The following ETV5 variants were observed in gnomAD, a reference collection of about 807,000 sequenced individuals.
The protein encoded by ETV5 is ETS translocation variant 5.
Under a neutral mutation model 70.0 loss-of-function variants are expected in ETV5, and 10 were observed. The observed-to-expected ratio is 0.14, with a 90% CI of 0.09 to 0.24. The LOEUF (loss-of-function observed/expected upper bound fraction) is 0.24, where lower values mean the gene tolerates loss of function less well. Among genes scored for constraint, ETV5 ranks in the 10% least tolerant of loss-of-function variants. The pLI, the probability that ETV5 is intolerant of heterozygous loss-of-function variation, is 1.00. For missense variants in ETV5, 453 were observed against 651.2 expected, an observed-to-expected ratio of 0.70 and a Z score of 3.31; for synonymous variants, 216 against 242.2, an observed-to-expected ratio of 0.89 and a Z score of 1.01.
intron 7 of ETV5, chr3:186,076,555 G>A (rs1444353032): frequency 5.5e-6 from 1 of 182,882 alleles, no homozygotes; most frequent in Non-Finnish European, 1.2e-5. Flanking sequence ...AGCCTCTCAA[G>A]TAACTGGGAC....
intron 5 of ETV5, among the ~76,000 whole-genome samples, chr3:186,096,745 A>T (rs889271653): frequency 1.3e-5 from 2 of 152,194 alleles, no homozygotes; most frequent in Non-Finnish European, 2.9e-5. Context: ...GCTCTGGATC[A>T]TTACTATTAA....
At chr3:186,056,336 C>G (rs1367805266) in intron 11 of ETV5, among the ~76,000 whole-genome samples, 2 of 152,086 alleles carry the variant, frequency 1.3e-5, no homozygotes, top group Admixed American at 1.3e-4. Flanking sequence ...TCAATCGATC[C>G]TCCCTGCCTC....
chr3:186,068,114 C>T (rs1046483951), intron 7 of ETV5, among the ~76,000 whole-genome samples: 1 of 152,286 alleles, frequency 6.6e-6, no homozygotes, highest in South Asian at 2.1e-4. Context: ...GTGCCAGGTA[C>T]CTGAACAGCA....
At chr3:186,080,664 T>G (rs1331458238) in intron 6 of ETV5, 1 of 231,152 alleles carries the variant, frequency 4.3e-6, no homozygotes, top group Admixed American at 5.6e-5. Context: ...CAAGACTTTT[T>G]CATATATTCT....
In ETV5 at chr3:186,057,207, C is replaced by G. The variant is rs761758478; in HGVS notation, c.1077G>C (p.Gly359=). The change falls in exon 11 of 13, where the codon GGG becomes GGC. Residue 359 remains glycine, a synonymous_variant. Coordinates refer to ENST00000306376, the MANE Select transcript of ETV5 (RefSeq NM_004454.3). This position sits in a 1 kb window ranked among gnomAD's most constrained non-coding sequence, Gnocchi z 4.9. The part of the protein sequence containing the change: ...VKQEPTMYRE[G]PPYQRRGSLQ... Reference sequence around the variant, plus strand: ...GGGAACCTCGCCTCTGGTAAGGGGGCCCCTCTCGATACATGGTAGGCTCCT... The same window carrying G: ...GGGAACCTCGCCTCTGGTAAGGGGGGCCCTCTCGATACATGGTAGGCTCCT... The G allele has an allele frequency of 6.2e-7, 1 of 1,614,162 alleles. No individual in the cohort carries two copies. Among genetic ancestry groups the G allele is most frequent in the East Asian group, 2.2e-5 (1 of 44,888 alleles).
intron 8 of ETV5, 100 bp from the exon 9 acceptor site, chr3:186,064,576 C>G (rs1560047277): frequency 8.5e-7 from 1 of 1,174,914 alleles, no homozygotes. Flanking sequence ...CCCTAAACTT[C>G]CTGCTCTGGG....
intron 5 of ETV5, among the ~76,000 whole-genome samples, chr3:186,087,426 G>A (rs969847384): frequency 3.9e-5 from 6 of 152,176 alleles, no homozygotes; most frequent in Admixed American, 1.3e-4. Context: ...TATACCGTTT[G>A]TAAGAATTCA....
At chr3:186,096,541 ACT>A (rs1486989261) in intron 5 of ETV5, among the ~76,000 whole-genome samples, 1 of 151,820 alleles carries the variant, frequency 6.6e-6, no homozygotes, top group Non-Finnish European at 1.5e-5. Context: ...GAGGTTTCAA[ACT>A]CTCTCACAAA....
At chr3:186,053,407 G>C (rs781637753) in intron 11 of ETV5, among the ~76,000 whole-genome samples, 11 of 152,112 alleles carry the variant, frequency 7.2e-5, no homozygotes, top group Admixed American at 7.2e-4. Flanking sequence ...CGGCCCCTTC[G>C]ATATTTTAAA....
intron 5 of ETV5, among the ~76,000 whole-genome samples, chr3:186,093,700 A>C (rs992023087): frequency 6.6e-6 from 1 of 152,214 alleles, no homozygotes; most frequent in African/African-American, 2.4e-5. Context: ...GGGCACTCCA[A>C]ACTCCGGGGG....
rs1714556069 is a variant in ETV5, at chr3:186,105,117, A to G, written c.232+188T>C. 1.9e-6 allele frequency: 1 copy of G among 530,252 alleles called. No homozygotes were observed. The highest frequency in any genetic ancestry group is 3.3e-6 in the Non-Finnish European group (1 of 304,380). The allele number at this position is 530,252 out of a possible 1,614,324, so 32.8% of individuals were successfully genotyped here. A position where few individuals can be genotyped will look rare whatever the true frequency, so the allele number is the denominator to read the frequency against. On this transcript the variant is annotated intron_variant, in intron 5 of 12. Coordinates refer to ENST00000306376, the MANE Select transcript of ETV5 (RefSeq NM_004454.3). The surrounding 1 kb of genome is among the most constrained non-coding windows in gnomAD (Gnocchi z 4.5). ...CAGTAAATCTTACCTGCAATACAGTAGAAATACTTTAGAAATAATTTTATT... is the reference window on the plus strand; with the variant it reads ...CAGTAAATCTTACCTGCAATACAGTGGAAATACTTTAGAAATAATTTTATT...
rs35154225 is a variant in ETV5 at position 186,102,636 on chromosome 3, CAAAA to C, written c.232+2665_232+2668del. Among the ~76,000 whole-genome samples the C allele has an allele frequency of 7.0e-3, 644 of 91,788 alleles. 4 individuals carry two copies. Among genetic ancestry groups the C allele is most frequent in the Middle Eastern group, 0.022 (4 of 184 alleles). The allele number at this position is 91,788 out of a possible 152,430, so 60.2% of individuals were successfully genotyped here. ...TGGGTGACGAGCAAAACTCTCTCTC[CAAAA>C]AAAAAAAAAAAAAAAAAGGTTTGCT... On this transcript the variant is annotated intron_variant, in intron 5 of 12. Transcript: ENST00000306376.
intron 5 of ETV5, among the ~76,000 whole-genome samples, chr3:186,104,681 C>T (rs1714544993): frequency 6.6e-6 from 1 of 151,898 alleles, no homozygotes; most frequent in African/African-American, 2.4e-5. Flanking sequence ...GATGCTTGGC[C>T]TAACACCAAA....
intron 5 of ETV5, among the ~76,000 whole-genome samples, chr3:186,091,656 C>G (rs1714185749): frequency 6.6e-6 from 1 of 152,102 alleles, no homozygotes; most frequent in African/African-American, 2.4e-5. Context: ...GTGGACAAAA[C>G]AAACAAACAA....
chr3:186,055,601 A>G (rs1560044887), intron 11 of ETV5, among the ~76,000 whole-genome samples: 1 of 152,366 alleles, frequency 6.6e-6, no homozygotes. Context: ...CAGGGAACAC[A>G]TAGGCACATC....
intron 5 of ETV5, among the ~76,000 whole-genome samples, chr3:186,092,433 CTT>C (rs536277540): frequency 1.8e-4 from 27 of 152,022 alleles, no homozygotes; most frequent in Non-Finnish European, 2.9e-4. Flanking sequence ...CATTTTACCT[CTT>C]TTTGTTTGTT....
chr3:186,106,448 C>T (rs1294791816), intron 1 of ETV5, among the ~76,000 whole-genome samples: 1 of 152,124 alleles, frequency 6.6e-6, no homozygotes, highest in Non-Finnish European at 1.5e-5. Context: ...TGTTAAAACA[C>T]TATATATAGT....
chr3:186,096,083 A>G (rs1052460103), intron 5 of ETV5, among the ~76,000 whole-genome samples: 1 of 152,246 alleles, frequency 6.6e-6, no homozygotes, highest in Non-Finnish European at 1.5e-5. Flanking sequence ...TTAGTTGTCA[A>G]AATACTAAAT....
chr3:186,072,007 C>T (rs991271720), intron 7 of ETV5, among the ~76,000 whole-genome samples: 2 of 148,486 alleles, frequency 1.3e-5, no homozygotes, highest in Admixed American at 6.7e-5. Context: ...ACCACGTTGG[C>T]CAGGCTGGTT....
Sources: gnomAD v4.1 joint callset for allele counts (sites outside exome capture counted in the v4.1 genomes callset) on GRCh38, gnomAD v4.1.1 for gene constraint, Gnocchi (gnomAD v3.1) non-coding constraint, MANE v1.5 for transcripts, NCBI Gene and HGNC (gene_info 2026-07-23, HGNC 2026-07-21) for gene names.